The following CYRIB variants were observed in gnomAD, a reference collection of about 807,000 sequenced individuals.
The protein encoded by CYRIB is CYFIP related Rac1 interactor B, also known as CYFIP-related Rac1 interactor B.
In CYRIB, 8 loss-of-function variants were observed where a neutral mutation model predicts 44.2. The observed-to-expected ratio is 0.18, with a 90% confidence interval of 0.11 to 0.33. The LOEUF (loss-of-function observed/expected upper bound fraction) is 0.33. CYRIB is among the 10% of genes least tolerant of loss of function. CYRIB has a pLI of 1.00. For synonymous variants in CYRIB, 131 were observed against 127.2 expected, an observed-to-expected ratio of 1.03 and a Z score of -0.20; for missense variants, 185 against 382.8, an observed-to-expected ratio of 0.48 and a Z score of 4.31.
chr8:130,005,222 T>C (rs759126739), intron 1 of CYRIB, among the ~76,000 whole-genome samples: 8 of 152,212 alleles, frequency 5.3e-5, no homozygotes, highest in Admixed American at 3.9e-4. Flanking sequence ...TTGGTGCTTT[T>C]AGGTCTTGGG....
intron 4 of CYRIB, chr8:129,864,402 T>C (rs2052150991): frequency 6.6e-6 from 1 of 152,386 alleles, no homozygotes; most frequent in Non-Finnish European, 1.5e-5. Context: ...TAGTAAAAAT[T>C]TGTTTCTTGT....
At chr8:129,895,615 A>AAT (rs1413547182) in intron 2 of CYRIB, among the ~76,000 whole-genome samples, 1 of 152,206 alleles carries the variant, frequency 6.6e-6, no homozygotes, top group Non-Finnish European at 1.5e-5. Flanking sequence ...TTAATCTATG[A>AAT]ATATGACAGA....
intron 2 of CYRIB, 162 bp from the exon 5 acceptor site, chr8:129,879,633 C>T: frequency 1.7e-6 from 1 of 591,178 alleles, no homozygotes; most frequent in Admixed American, 3.4e-5. Flanking sequence ...AACGGGTTCT[C>T]AAGGTGTTGA....
At chr8:129,992,432 C>A (rs550913460) in intron 1 of CYRIB, among the ~76,000 whole-genome samples, 1 of 152,262 alleles carries the variant, frequency 6.6e-6, no homozygotes, top group Admixed American at 6.5e-5. Flanking sequence ...CTGCCACCCC[C>A]TCTTGGAACA....
chr8:129,844,064 A>T (rs896558425), intron 11 of CYRIB: 1 of 152,254 alleles, frequency 6.6e-6, no homozygotes, highest in African/African-American at 2.4e-5. Flanking sequence ...ATACGCAATT[A>T]CACGAAATCC....
At chr8:129,905,896 T>C (rs1378381786) in intron 1 of CYRIB, among the ~76,000 whole-genome samples, 3 of 152,160 alleles carry the variant, frequency 2.0e-5, no homozygotes, top group African/African-American at 7.2e-5. Context: ...TCCAGGCACC[T>C]AAAATCTACA....
At chr8:129,910,942 GC>G (rs2077681501) in intron 1 of CYRIB, among the ~76,000 whole-genome samples, 1 of 152,216 alleles carries the variant, frequency 6.6e-6, no homozygotes, top group African/African-American at 2.4e-5. Flanking sequence ...ATAGGCATGA[GC>G]CACCTTGCCC....
At chr8:129,997,787 G>A (rs2096808144) in intron 1 of CYRIB, among the ~76,000 whole-genome samples, 1 of 152,048 alleles carries the variant, frequency 6.6e-6, no homozygotes, top group Non-Finnish European at 1.5e-5. Flanking sequence ...GACAGCCTTT[G>A]GAGGAAGAAA....
intron 2 of CYRIB, among the ~76,000 whole-genome samples, chr8:129,900,946 T>C (rs1044094703): frequency 5.9e-5 from 9 of 152,200 alleles, no homozygotes; most frequent in African/African-American, 2.2e-4. Context: ...AGTGCTGGAA[T>C]TACAGGCGTG....
intron 5 of CYRIB, among the ~76,000 whole-genome samples, chr8:129,861,243 GAGCT>G (rs928521793): frequency 2.0e-5 from 3 of 152,002 alleles, no homozygotes; most frequent in African/African-American, 7.3e-5. Context: ...ATCAAACAAA[GAGCT>G]AACTGGCTAA....
intron 2 of CYRIB, among the ~76,000 whole-genome samples, chr8:129,900,308 A>G (rs1037980494): frequency 8.5e-5 from 13 of 152,204 alleles, no homozygotes; most frequent in Non-Finnish European, 1.8e-4. Context: ...AAGTACCACC[A>G]CAACAAAGGA....
chr8:129,862,368 T>TAAA, intron 4 of CYRIB, 34 bp from the exon 7 acceptor site: 2 of 1,260,344 alleles, frequency 1.6e-6, no homozygotes, highest in Non-Finnish European at 2.2e-6. Flanking sequence ...TAGTTAGAGT[T>TAAA]AAAAAAAAAA....
intron 2 of CYRIB, among the ~76,000 whole-genome samples, chr8:129,969,162 C>A (rs1394278607): frequency 6.6e-6 from 1 of 152,000 alleles, no homozygotes. Flanking sequence ...TACAGGCATG[C>A]GCCACCACAC....
At chr8:129,873,122 C>T (rs1484255895) in intron 3 of CYRIB, among the ~76,000 whole-genome samples, 2 of 151,958 alleles carry the variant, frequency 1.3e-5, no homozygotes, top group East Asian at 3.8e-4. Context: ...AAGTAACATT[C>T]ATATGTAAAG....
intron 4 of CYRIB, 51 bp from the exon 7 acceptor site, chr8:129,862,385 T>TC: frequency 1.5e-6 from 2 of 1,316,496 alleles, no homozygotes; most frequent in Non-Finnish European, 2.2e-6. Flanking sequence ...AAAAAAAGGT[T>TC]CATTTTTACA....
chr8:129,859,335 G>A (rs1446442622), intron 5 of CYRIB, among the ~76,000 whole-genome samples: 1 of 152,156 alleles, frequency 6.6e-6, no homozygotes, highest in Non-Finnish European at 1.5e-5. Flanking sequence ...GAACATAAAG[G>A]CGGACTAGGA....
chr8:129,855,745 C>T (rs1341712896), exon 6 of CYRIB: 2 of 1,592,062 alleles, frequency 1.3e-6, no homozygotes, highest in Non-Finnish European at 1.7e-6. Flanking sequence ...CTTAATGCTG[C>T]TTCTAAAGAA....
At chr8:129,968,835 T>A (rs547647771) in intron 2 of CYRIB, among the ~76,000 whole-genome samples, 22 of 152,070 alleles carry the variant, frequency 1.4e-4, no homozygotes, top group Admixed American at 2.0e-4. Flanking sequence ...CCCCTTTTCA[T>A]GAAAAAGTCA....
intron 2 of CYRIB, among the ~76,000 whole-genome samples, chr8:129,952,450 T>C (rs946593126): frequency 6.6e-6 from 1 of 152,112 alleles, no homozygotes. Context: ...AATGCAAAAT[T>C]GTATATACAA....
Sources: allele counts gnomAD v4.1 joint callset (sites outside exome capture counted in the v4.1 genomes callset), GRCh38; gene constraint gnomAD v4.1.1; transcripts MANE v1.5; gene names NCBI Gene and HGNC (gene_info 2026-07-23, HGNC 2026-07-21).